ZNF503: variants seen among roughly 807,000 people sequenced by gnomAD.
ZNF503 encodes the protein NocA-like zinc finger 2.
Under a neutral mutation model 34.4 loss-of-function variants are expected in ZNF503, and 15 were observed. The ratio of observed to expected loss-of-function variants is 0.44; its 90% CI spans 0.29 to 0.67. ZNF503 has a LOEUF of 0.67. Among genes scored for constraint, ZNF503 ranks in the 30% least tolerant of loss-of-function variants. The probability of loss-of-function intolerance (pLI) is 0.13; values close to 1 mark genes in which losing one functional copy is unlikely to be tolerated. For missense variants in ZNF503, 1,007 were observed against 926.8 expected, an observed-to-expected ratio of 1.09 and a Z score of -1.12; for synonymous variants, 580 against 456.8, an observed-to-expected ratio of 1.27 and a Z score of -3.44.
the ZNF503 span, among the ~76,000 whole-genome samples, chr10:75,281,133 C>T: frequency 6.6e-6 from 1 of 152,252 alleles, no homozygotes; most frequent in South Asian, 2.1e-4. Flanking sequence ...GGATGACGGT[C>T]ACTCTACTTG....
At chr10:75,305,994 A>G in the ZNF503 span, among the ~76,000 whole-genome samples, 2 of 152,206 alleles carry the variant, frequency 1.3e-5, no homozygotes, top group Non-Finnish European at 2.9e-5. Context: ...TAATGTTGCT[A>G]TTAATATGGG....
At chr10:75,337,113 C>T in the ZNF503 span, among the ~76,000 whole-genome samples, 11 of 151,230 alleles carry the variant, frequency 7.3e-5, no homozygotes, top group South Asian at 2.3e-3. Flanking sequence ...TGCTTGAGCC[C>T]AGGAGTTTGA....
rs1843737478 is a variant in ZNF503, at chr10:75,398,771, G to T, written c.1919C>A (p.Ala640Asp). The T allele has an allele frequency of 1.4e-6, 2 of 1,425,036 alleles. No individual in the cohort carries two copies. Among genetic ancestry groups the T allele is most frequent in the Admixed American group, 3.0e-5 (1 of 33,708 alleles). The allele number at this position is 1,425,036 out of a possible 1,614,324, so 88.3% of individuals were successfully genotyped here. The change falls in exon 2 of 2, where the codon GCC becomes GAC. Residue 640 changes from alanine to aspartate, a missense_variant. By Grantham distance (126) the Ala-to-Asp change is moderately radical. Transcript: ENST00000372524. ...YALYGQRLTT[A>D]SALGYQ Reference sequence around the variant, plus strand: ...CCCTCACTGATACCCCAGCGCCGAGGCGGTGGTCAGTCTCTGTCCGTAGAG... The same window carrying T: ...CCCTCACTGATACCCCAGCGCCGAGTCGGTGGTCAGTCTCTGTCCGTAGAG...
chr10:75,359,923 A>T, the ZNF503 span, among the ~76,000 whole-genome samples: 1 of 151,878 alleles, frequency 6.6e-6, no homozygotes, highest in Non-Finnish European at 1.5e-5. Context: ...ACAGCCTCTG[A>T]CTTCAGGCCC....
At chr10:75,382,949 C>G in the ZNF503 span, 3 of 186,850 alleles carry the variant, frequency 1.6e-5, no homozygotes, top group Admixed American at 1.7e-4. Context: ...GATGCATGAT[C>G]TCTCTCTTCC....
chr10:75,355,219 C>G, the ZNF503 span, among the ~76,000 whole-genome samples: 1 of 152,232 alleles, frequency 6.6e-6, no homozygotes, highest in Non-Finnish European at 1.5e-5. Flanking sequence ...ACGTTAAAAC[C>G]TTGAGACAAG....
chr10:75,292,894 AT>A, the ZNF503 span, among the ~76,000 whole-genome samples: 17 of 151,996 alleles, frequency 1.1e-4, no homozygotes, highest in Admixed American at 2.6e-4. Context: ...TGGCTTTGGT[AT>A]TTTTTTCTTC....
chr10:75,400,185 C>T lies in ZNF503; in HGVS notation c.505G>A (p.Val169Met), dbSNP rs572520819. The T allele has an allele frequency of 8.5e-5, 135 of 1,585,026 alleles. 1 individual carries two copies. The East Asian group carries it at 2.7e-3, about 32-fold the overall frequency. ...GGCTTGAAACTCGACTTGTCCTCCACGCCGATGTCGCTCAGCTTCAGGGGG... is the reference window on the plus strand; with the variant it reads ...GGCTTGAAACTCGACTTGTCCTCCATGCCGATGTCGCTCAGCTTCAGGGGG... ...SGPLKLSDIG[V>M]EDKSSFKPYS... Residue 169 changes from valine to methionine, a missense_variant, in exon 2 of 2, where the codon GTG becomes ATG. Transcript: ENST00000372524.
the ZNF503 span, among the ~76,000 whole-genome samples, chr10:75,368,192 T>A: frequency 6.6e-6 from 1 of 152,170 alleles, no homozygotes; most frequent in Non-Finnish European, 1.5e-5. Context: ...CAAACCTCTC[T>A]GCATCAACAA....
the ZNF503 span, among the ~76,000 whole-genome samples, chr10:75,379,578 A>G: frequency 1.3e-5 from 2 of 152,242 alleles, no homozygotes; most frequent in Non-Finnish European, 2.9e-5. Context: ...AGTTCTGCCC[A>G]GCACGGACTG....
the ZNF503 span, among the ~76,000 whole-genome samples, chr10:75,364,369 C>T: frequency 6.6e-6 from 1 of 151,638 alleles, no homozygotes; most frequent in African/African-American, 2.4e-5. Flanking sequence ...ATTATGCCTA[C>T]TTTCTATTTT....
chr10:75,296,777 G>A, the ZNF503 span: 1 of 152,368 alleles, frequency 6.6e-6, no homozygotes, highest in Non-Finnish European at 1.5e-5. Flanking sequence ...GGGAGAGAGA[G>A]AGAAGAGAAT....
chr10:75,373,175 A>T, the ZNF503 span, among the ~76,000 whole-genome samples: 1 of 152,222 alleles, frequency 6.6e-6, no homozygotes, highest in Non-Finnish European at 1.5e-5. Context: ...TTCACTGGGC[A>T]TTGCGCTTGG....
the ZNF503 span, among the ~76,000 whole-genome samples, chr10:75,299,941 T>G: frequency 6.6e-6 from 1 of 152,194 alleles, no homozygotes; most frequent in Non-Finnish European, 1.5e-5. Flanking sequence ...TAATGAAGTT[T>G]TGGGCACCAT....
chr10:75,356,505 G>A, the ZNF503 span, among the ~76,000 whole-genome samples: 42 of 152,306 alleles, frequency 2.8e-4, no homozygotes, highest in African/African-American at 8.7e-4. Flanking sequence ...GTGAGCCACC[G>A]CCCCCAGCCT....
chr10:75,300,936 C>A, the ZNF503 span, among the ~76,000 whole-genome samples: 1 of 151,950 alleles, frequency 6.6e-6, no homozygotes, highest in Non-Finnish European at 1.5e-5. Context: ...GAACTCCTGA[C>A]CTCATGATCC....
the ZNF503 span, among the ~76,000 whole-genome samples, chr10:75,367,315 A>G: frequency 0.043 from 6,605 of 152,144 alleles, 437 homozygotes; most frequent in African/African-American, 0.14. Flanking sequence ...ACGCACGGGA[A>G]ACTCTCTAAC....
the ZNF503 span, among the ~76,000 whole-genome samples, chr10:75,280,874 C>A: frequency 6.6e-6 from 1 of 152,038 alleles, no homozygotes; most frequent in African/African-American, 2.4e-5. Context: ...AGAAATTAGG[C>A]AGGGGAAGAA....
the ZNF503 span, among the ~76,000 whole-genome samples, chr10:75,312,104 T>G: frequency 1.3e-5 from 2 of 152,074 alleles, no homozygotes; most frequent in Non-Finnish European, 2.9e-5. Context: ...TGTCAGATAA[T>G]TTTAGCATCT....
Sources: allele counts gnomAD v4.1 joint callset (sites outside exome capture counted in the v4.1 genomes callset), GRCh38; gene constraint gnomAD v4.1.1; transcripts MANE v1.5; gene names NCBI Gene and HGNC (gene_info 2026-07-23, HGNC 2026-07-21).